The following SPEF2 variants were observed in gnomAD, a reference collection of about 807,000 sequenced individuals.
SPEF2 encodes the protein sperm flagella and cilia-associated protein 2.
A neutral mutation model predicts 224.6 loss-of-function variants in SPEF2; 187 were observed. That is an observed-to-expected ratio of 0.83 (90% CI 0.74 to 0.94). SPEF2 has a LOEUF of 0.94. Ranked by LOEUF, SPEF2 falls within the 40% of genes least tolerant of loss-of-function variation. The probability of loss-of-function intolerance (pLI) is 0.00; values close to 1 mark genes in which losing one functional copy is unlikely to be tolerated. For missense variants in SPEF2, 2,170 were observed against 2,135.6 expected (o/e 1.02, Z -0.32); for synonymous variants, 715 against 707.3 (o/e 1.01, Z -0.17).
chr5:35,811,933 T>C (rs886771370), intron 36 of SPEF2, among the ~76,000 whole-genome samples: 5 of 151,866 alleles, frequency 3.3e-5, no homozygotes, highest in African/African-American at 7.3e-5. Context: ...TACAGGTGCC[T>C]GCCACCACGC....
chr5:35,773,274 G>A (rs960167932), intron 27 of SPEF2, among the ~76,000 whole-genome samples: 1 of 152,092 alleles, frequency 6.6e-6, no homozygotes, highest in African/African-American at 2.4e-5. Flanking sequence ...CAGCTACTAG[G>A]GAGGCTGAGG....
chr5:35,649,541 G>T, intron 6 of SPEF2, 116 bp downstream of exon 6: 1 of 721,654 alleles, frequency 1.4e-6, no homozygotes, highest in Non-Finnish European at 2.2e-6. Flanking sequence ...TCACTCCAAA[G>T]AATCTTGATT....
chr5:35,626,403 G>A (rs190850489), intron 1 of SPEF2, among the ~76,000 whole-genome samples: 2 of 152,294 alleles, frequency 1.3e-5, no homozygotes, highest in Admixed American at 1.3e-4. Flanking sequence ...ATAGGTGCCA[G>A]ACTGTGGACT....
intron 21 of SPEF2, among the ~76,000 whole-genome samples, chr5:35,737,682 A>G (rs1401507371): frequency 6.6e-6 from 1 of 152,136 alleles, no homozygotes; most frequent in Admixed American, 6.5e-5. Context: ...ATACGTATGC[A>G]TGTGTCTTTA....
intron 30 of SPEF2, among the ~76,000 whole-genome samples, chr5:35,784,377 C>T (rs1754799076): frequency 6.6e-6 from 1 of 152,208 alleles, no homozygotes; most frequent in South Asian, 2.1e-4. Flanking sequence ...ATCCGCCCGC[C>T]TCAGCCTCCC....
At chr5:35,769,800 T>C (rs970444221) in intron 26 of SPEF2, among the ~76,000 whole-genome samples, 5 of 152,110 alleles carry the variant, frequency 3.3e-5, no homozygotes, top group African/African-American at 1.2e-4. Flanking sequence ...TGTAATAGTC[T>C]TTGAGGGTAG....
At chr5:35,809,781 T>C (rs1412698033) in intron 36 of SPEF2, among the ~76,000 whole-genome samples, 1 of 152,170 alleles carries the variant, frequency 6.6e-6, no homozygotes, top group Non-Finnish European at 1.5e-5. Context: ...CTTGGGGATA[T>C]TGTGCCATAA....
At chr5:35,698,746 G>C (rs572713764) in intron 15 of SPEF2, 37 of 152,298 alleles carry the variant, frequency 2.4e-4, no homozygotes, top group Admixed American at 1.9e-3. Flanking sequence ...ACAGTTCAGT[G>C]AGGTGCTCCA....
intron 26 of SPEF2, among the ~76,000 whole-genome samples, chr5:35,769,904 A>G (rs1752556740): frequency 6.6e-6 from 1 of 152,090 alleles, no homozygotes; most frequent in South Asian, 2.1e-4. Flanking sequence ...AAATAATTAA[A>G]TAAGCCCTCA....
rs1753017965 is a variant in SPEF2 at position 35,772,619 on chromosome 5, A to T, written c.3949+863A>T. On this transcript the variant is annotated intron_variant, in intron 27 of 36. Coordinates refer to ENST00000356031, the MANE Select transcript of SPEF2 (RefSeq NM_024867.4). ...TGGGAGTTAAAGGAAAGCACTGAGG[A>T]TGGAGGAAGGAGTGGGTCAGTGGCA... Among the ~76,000 whole-genome samples, 5 of 152,248 alleles carry T rather than the reference A, an allele frequency of 3.3e-5. No individual in the cohort carries two copies. In the South Asian group the frequency reaches 1.0e-3, roughly 32 times the overall value.
At chr5:35,710,300 G>A (rs903669018) in intron 19 of SPEF2, 19 of 962,206 alleles carry the variant, frequency 2.0e-5, no homozygotes, top group Admixed American at 1.2e-4. Context: ...GCTCATCCCT[G>A]TAATCCCAGC....
intron 30 of SPEF2, among the ~76,000 whole-genome samples, chr5:35,784,628 G>C (rs1754843292): frequency 6.6e-6 from 1 of 152,328 alleles, no homozygotes; most frequent in African/African-American, 2.4e-5. Flanking sequence ...AAGAAAAGCA[G>C]GGGAAGGGTA....
chr5:35,672,457 T>C (rs1751331600), intron 10 of SPEF2, among the ~76,000 whole-genome samples: 1 of 151,074 alleles, frequency 6.6e-6, no homozygotes, highest in African/African-American at 2.4e-5. Flanking sequence ...CTGTTTCTTT[T>C]AGATAAGCCA....
intron 19 of SPEF2, chr5:35,710,106 CAAA>C (rs1187249643): frequency 1.9e-5 from 19 of 985,046 alleles, no homozygotes; most frequent in Admixed American, 6.2e-5. Flanking sequence ...TAACTACAGG[CAAA>C]ATACACACAT....
chr5:35,782,193 C>T (rs1232083227), intron 30 of SPEF2, among the ~76,000 whole-genome samples: 1 of 152,138 alleles, frequency 6.6e-6, no homozygotes, highest in Non-Finnish European at 1.5e-5. Context: ...TGATACCTTC[C>T]ACTGTATTTA....
chr5:35,779,390 A>G (rs1754019428), intron 30 of SPEF2, 44 bp downstream of exon 30: 1 of 1,465,980 alleles, frequency 6.8e-7, no homozygotes, highest in Admixed American at 2.0e-5. Flanking sequence ...AAAAAGGTTA[A>G]GATTAACCAG....
At chr5:35,645,998 C>T (rs1350481266) in intron 4 of SPEF2, among the ~76,000 whole-genome samples, 1 of 152,060 alleles carries the variant, frequency 6.6e-6, no homozygotes, top group Non-Finnish European at 1.5e-5. Context: ...TGATTAGTTT[C>T]ACATATTACC....
Position 35,636,502 on chromosome 5 carries a change from CTCT to C in SPEF2, c.162-4924_162-4922del, listed in dbSNP as rs200428630. The stretch of plus-strand genomic sequence containing the variant: ...TCTTCCTTTTAAGTTTTTGGCCAGG[CTCT>C]TCTTTGCTCCAGCTGGTTTTACTGT... On this transcript the variant is annotated intron_variant, in intron 2 of 36. Transcript: ENST00000356031. Among the ~76,000 whole-genome samples the C allele has an allele frequency of 9.7e-3, 1,482 of 152,216 alleles. 15 individuals are homozygous for C. The highest frequency in any genetic ancestry group is 0.038 in the Middle Eastern group (11 of 292).
intron 10 of SPEF2, among the ~76,000 whole-genome samples, chr5:35,682,930 G>A (rs188648246): frequency 6.6e-6 from 1 of 152,154 alleles, no homozygotes; most frequent in Non-Finnish European, 1.5e-5. Context: ...CAATCAAGAA[G>A]GGAATCCAGT....
Sources: allele counts gnomAD v4.1 joint callset (sites outside exome capture counted in the v4.1 genomes callset), GRCh38; gene constraint gnomAD v4.1.1; transcripts MANE v1.5; gene names NCBI Gene and HGNC (gene_info 2026-07-23, HGNC 2026-07-21).